The following ABCA4 variants were observed in gnomAD, a reference collection of about 807,000 sequenced individuals.
ABCA4 encodes retinal-specific phospholipid-transporting ATPase ABCA4.
Under a neutral mutation model 263.7 loss-of-function variants are expected in ABCA4, and 196 were observed. The ratio of observed to expected loss-of-function variants is 0.74; its 90% CI spans 0.66 to 0.84. The LOEUF is 0.84. Among genes scored for constraint, ABCA4 ranks in the 40% least tolerant of loss-of-function variants. The pLI, the probability that ABCA4 is intolerant of heterozygous loss-of-function variation, is 0.00. For missense variants in ABCA4, 2,792 were observed against 2,855.1 expected (o/e 0.98, Z 0.50); for synonymous variants, 1,133 against 1,094.2 (o/e 1.04, Z -0.70).
At chr1:94,111,407 T>TC (rs1662598727) in intron 3 of ABCA4, 31 bp downstream of exon 3, 1 of 1,611,996 alleles carries the variant, frequency 6.2e-7, no homozygotes, top group Admixed American at 1.7e-5. Context: ...TGCAACTTCC[T>TC]CCCCTGCATG....
At chr1:94,096,811 G>T (rs1662133691) in intron 6 of ABCA4, among the ~76,000 whole-genome samples, 1 of 152,218 alleles carries the variant, frequency 6.6e-6, no homozygotes, top group Admixed American at 6.5e-5. Flanking sequence ...TTCAAGAAGG[G>T]AAGAATGATG....
At chr1:94,026,215 C>A (rs1210998796) in intron 30 of ABCA4, among the ~76,000 whole-genome samples, 1 of 151,372 alleles carries the variant, frequency 6.6e-6, no homozygotes, top group South Asian at 2.1e-4. Flanking sequence ...CTTTCTATCT[C>A]CTCCCCCTGT....
intron 35 of ABCA4, 88 bp from the exon 36 acceptor site, chr1:94,019,847 C>A: frequency 6.9e-7 from 1 of 1,442,416 alleles, no homozygotes; most frequent in Non-Finnish European, 9.5e-7. Flanking sequence ...TTTGGGAAGG[C>A]CTTACACCCG....
At chr1:94,040,840 A>T (rs1464941754) in intron 23 of ABCA4, among the ~76,000 whole-genome samples, 1 of 152,064 alleles carries the variant, frequency 6.6e-6, no homozygotes, top group Non-Finnish European at 1.5e-5. Context: ...TTCACTTACC[A>T]CTGAAATTCA....
In ABCA4 at chr1:94,042,767, G is replaced by A. The variant is rs61750120; in HGVS notation, c.3322C>T (p.Arg1108Cys). The A allele has an allele frequency of 1.9e-4, 313 of 1,614,208 alleles. No individual in the cohort carries two copies. Among genetic ancestry groups the A allele is most frequent in the Non-Finnish European group, 2.5e-4 (291 of 1,180,036 alleles). ...RSIWDLLLKYRSGRTIIMSTH... is the reference protein window; with the variant it reads ...RSIWDLLLKYCSGRTIIMSTH... ...ACTGAGCAGCAGCTGTTACCTGAGC[G>A]ATACTTCAGGAGCAGATCCCAGATT... The change falls in exon 22 of 50, where the codon CGC (arginine) becomes TGC (cysteine). Residue 1108 changes from arginine to cysteine, a missense_variant. Transcript: ENST00000370225.
rs749643738 is a variant in ABCA4, at chr1:94,102,997, C to T, written c.570+18G>A. 5.0e-6 allele frequency: 8 copies of T among 1,614,142 alleles called. No individual in the cohort carries two copies. In the South Asian group the frequency reaches 7.7e-5, roughly 16 times the overall value. ...TTCCCTCCCCTCCAGGGACCACTGG[C>T]CAGTGACATCCCCCTACCTGCTCTG... On this transcript the variant is annotated intron_variant, in intron 5 of 49. Coordinates refer to ENST00000370225, the MANE Select transcript of ABCA4 (RefSeq NM_000350.3).
intron 30 of ABCA4, among the ~76,000 whole-genome samples, chr1:94,028,917 A>G (rs1339882201): frequency 1.3e-5 from 2 of 149,246 alleles, no homozygotes; most frequent in Admixed American, 6.7e-5. Flanking sequence ...AAAAAAAAAA[A>G]AAAAAAAAAA....
rs1659526019 is a variant in ABCA4, at chr1:94,010,889, A to G, written c.5625T>C (p.Ile1875=). 6.2e-7 allele frequency: 1 copy of G among 1,614,032 alleles called. No homozygotes were observed. Among genetic ancestry groups the G allele is most frequent in the African/African-American group, 1.3e-5 (1 of 74,914 alleles). ...CCACCATGGCAAACAGGTTCTTCCCAATCAGGTCCCAGTGGAACGGATTTG... is the reference window on the plus strand; with the variant it reads ...CCACCATGGCAAACAGGTTCTTCCCGATCAGGTCCCAGTGGAACGGATTTG... ...HSANPFHWDL[I]GKNLFAMVVE... is the part of the protein sequence containing the mutation. Residue 1875 remains isoleucine (I), a synonymous_variant, in exon 40 of 50, where the codon ATT becomes ATC. Transcript: ENST00000370225.
At chr1:94,061,988 A>G (rs894345580) in intron 13 of ABCA4, among the ~76,000 whole-genome samples, 4 of 151,812 alleles carry the variant, frequency 2.6e-5, no homozygotes, top group African/African-American at 9.7e-5. Flanking sequence ...CCCCAAATCC[A>G]TATTCAGTCA....
At chr1:94,085,301 G>A (rs549514454) in intron 6 of ABCA4, among the ~76,000 whole-genome samples, 2 of 152,160 alleles carry the variant, frequency 1.3e-5, no homozygotes, top group Non-Finnish European at 2.9e-5. Context: ...AGTTGAAGCT[G>A]GGTGATAGAT....
chr1:94,068,917 G>T (rs991080063), intron 11 of ABCA4, among the ~76,000 whole-genome samples: 3 of 152,206 alleles, frequency 2.0e-5, no homozygotes, highest in African/African-American at 7.2e-5. Context: ...AATGCCCTAT[G>T]ACAGCCAATG....
Position 94,079,353 on chromosome 1 carries a change from T to A in ABCA4, c.1208A>T (p.Asp403Val), listed in dbSNP as rs913030626. 5.0e-6 allele frequency: 8 copies of A among 1,614,000 alleles called. No homozygotes were observed. In the African/African-American group the frequency reaches 8.0e-5, roughly 16 times the overall value. The change falls in exon 9 of 50, where the codon GAT (aspartate) becomes GTT (valine). Residue 403 changes from aspartate (D) to valine (V), a missense_variant. Physicochemically the swap from Asp to Val is radical, Grantham distance 152. Transcript: ENST00000370225. ...CAGTATCCTTCGTGCTGCAGGTGAA[T>A]CAGGAGTGTACAGGATTTTTCCCAT... is the stretch of plus-strand genomic sequence containing the variant. ...LLMGKILYTP[D>V]SPAARRILKN...
chr1:94,047,052 C>T lies in ABCA4; in HGVS notation c.2785G>A (p.Val929Ile), dbSNP rs750273269. Residue 929 changes from valine to isoleucine, a missense_variant, in exon 19 of 50, where the codon GTA becomes ATA. Transcript: ENST00000370225. Reference sequence around the variant, plus strand: ...ATCTTTACCAGATTCTTCACGCATACCCCAGGAACCCACCCTGGATGCTCA... The same window carrying T: ...ATCTTTACCAGATTCTTCACGCATATCCCAGGAACCCACCCTGGATGCTCA... ...EREHPGWVPGVCVKNLVKIFE... is the reference protein window; with the variant it reads ...EREHPGWVPGICVKNLVKIFE... 2 of 1,614,128 alleles carry T rather than the reference C, an allele frequency of 1.2e-6. No individual in the cohort carries two copies. Among genetic ancestry groups the T allele is most frequent in the South Asian group, 1.1e-5 (1 of 91,068 alleles).
At chr1:94,101,499 A>C (rs1662286589) in intron 5 of ABCA4, among the ~76,000 whole-genome samples, 1 of 152,226 alleles carries the variant, frequency 6.6e-6, no homozygotes. Flanking sequence ...AAAAGCAGGT[A>C]TGAGCTCCTT....
chr1:94,060,484 G>T, intron 14 of ABCA4, 53 bp downstream of exon 14: 1 of 1,531,168 alleles, frequency 6.5e-7, no homozygotes, highest in Non-Finnish European at 9.0e-7. Flanking sequence ...AGGAGGAAAG[G>T]GGAAAGGAAC....
intron 43 of ABCA4, among the ~76,000 whole-genome samples, chr1:94,006,951 C>T (rs1452232968): frequency 3.9e-5 from 6 of 152,244 alleles, no homozygotes; most frequent in Non-Finnish European, 8.8e-5. Context: ...AGCTCATCCT[C>T]TCTGTCCTGC....
At position 94,076,678 on chromosome 1, in the gene ABCA4, G is replaced by A. The variant is rs12076449; in HGVS notation, c.1554+1012C>T. ...TGTTATTTGGGGGTCGAGTCATTAA[G>A]ATTTTAAGTGAGAGAGCAACGTAAG... On this transcript the variant is annotated intron_variant, in intron 11 of 49. Transcript: ENST00000370225. Among the ~76,000 whole-genome samples, 597 of 152,320 alleles carry A rather than the reference G, an allele frequency of 3.9e-3. 6 individuals are homozygous for A. The highest frequency in any genetic ancestry group is 0.014 in the African/African-American group (564 of 41,570).
At chr1:94,047,949 G>T (rs1366293436) in intron 18 of ABCA4, among the ~76,000 whole-genome samples, 1 of 152,182 alleles carries the variant, frequency 6.6e-6, no homozygotes, top group East Asian at 1.9e-4. Flanking sequence ...TTCCCTAGGG[G>T]GAAAAAGTCC....
chr1:94,117,011 T>TTTC lies in ABCA4; in HGVS notation c.67-3948_67-3946dup, dbSNP rs1553197155. Among the ~76,000 whole-genome samples the TTTC allele has an allele frequency of 3.3e-3, 453 of 137,762 alleles. 3 individuals are homozygous for TTTC. The highest frequency in any genetic ancestry group is 7.5e-3 in the Middle Eastern group (2 of 268). The allele number at this position is 137,762 out of a possible 152,430, so 90.4% of individuals were successfully genotyped here. On this transcript the variant is annotated intron_variant, in intron 1 of 49. Transcript: ENST00000370225. ...CTTTCTTTCTTTCTTTCTTTCTTTC[T>TTTC]TTCTTTCTTTCTTTCCTTTTCTTTC...
Sources: allele counts gnomAD v4.1 joint callset (sites outside exome capture counted in the v4.1 genomes callset), GRCh38; gene constraint gnomAD v4.1.1; transcripts MANE v1.5; gene names NCBI Gene and HGNC (gene_info 2026-07-23, HGNC 2026-07-21).